IQSEC1: variants seen among roughly 807,000 people sequenced by gnomAD.
The protein encoded by IQSEC1 is IQ motif and Sec7 domain ArfGEF 1.
IQSEC1 carries 31 observed loss-of-function variants against 91.0 expected under a neutral mutation model. That is an observed-to-expected ratio of 0.34 (90% confidence interval 0.26 to 0.46). The LOEUF (loss-of-function observed/expected upper bound fraction) is 0.46, where lower values mean the gene tolerates loss of function less well. Among genes scored for constraint, IQSEC1 ranks in the 20% least tolerant of loss-of-function variants. The probability of loss-of-function intolerance (pLI) is 1.00; values close to 1 mark genes in which losing one functional copy is unlikely to be tolerated. For synonymous variants in IQSEC1, 699 were observed against 662.6 expected, an observed-to-expected ratio of 1.05 and a Z score of -0.84; for missense variants, 1,388 against 1,575.6, an observed-to-expected ratio of 0.88 and a Z score of 2.02.
chr3:13,172,395 C>T (rs904253843), intron 1 of IQSEC1, among the ~76,000 whole-genome samples: 3 of 152,150 alleles, frequency 2.0e-5, no homozygotes, highest in East Asian at 1.9e-4. Context: ...GGAGGCACGT[C>T]GGCCTTCCTT....
In IQSEC1 at chr3:12,938,025, C is replaced by T. The variant is rs570528318; in HGVS notation, c.319-1328G>A. Among the ~76,000 whole-genome samples the T allele has an allele frequency of 2.0e-4, 30 of 152,310 alleles. No individual in the cohort carries two copies. The South Asian group carries it at 5.6e-3, about 28-fold the overall frequency. ...TTCCTGAGGCACCCGTGACCAAGGA[C>T]GGTCCTGAGGGCCACTCCCTGCACC... On this transcript the variant is annotated intron_variant, in intron 2 of 13. Transcript: ENST00000613206.
At chr3:13,143,681 A>G (rs1377449262) in intron 2 of IQSEC1, among the ~76,000 whole-genome samples, 1 of 152,084 alleles carries the variant, frequency 6.6e-6, no homozygotes, top group Non-Finnish European at 1.5e-5. Flanking sequence ...TGGCAGGGAG[A>G]GAAGGTCCAT....
chr3:13,124,408 T>G (rs182855386), intron 2 of IQSEC1, among the ~76,000 whole-genome samples: 81 of 152,288 alleles, frequency 5.3e-4, no homozygotes, highest in African/African-American at 1.8e-3. Flanking sequence ...TTTCTTCATC[T>G]CTAAGGAAGA....
At chr3:12,932,910 C>T (rs1697812916) in intron 3 of IQSEC1, among the ~76,000 whole-genome samples, 1 of 152,128 alleles carries the variant, frequency 6.6e-6, no homozygotes, top group Non-Finnish European at 1.5e-5. Flanking sequence ...CGGCAGCCCC[C>T]GGGATGCCCT....
In IQSEC1 at chr3:13,242,920, G is replaced by C. The variant is rs192202297; in HGVS notation, c.272+39791C>G. On this transcript the variant is annotated intron_variant, in intron 1 of 15. Transcript: ENST00000648114. ...GAAAAGGGAGGGATGCAGAGGAAGG[G>C]CTTGTCTTTCCACACATGTGGGGGG... Among the ~76,000 whole-genome samples, 19 of 152,172 alleles carry C rather than the reference G, an allele frequency of 1.2e-4. No homozygotes were observed. The East Asian group carries it at 2.7e-3, about 22-fold the overall frequency.
At chr3:12,961,343 T>C (rs1473435314) in intron 1 of IQSEC1, among the ~76,000 whole-genome samples, 1 of 152,260 alleles carries the variant, frequency 6.6e-6, no homozygotes, top group Non-Finnish European at 1.5e-5. Context: ...TGCCCATTCC[T>C]ATCTAAAGAA....
At chr3:13,071,455 T>C (rs1280894984) in intron 1 of IQSEC1, among the ~76,000 whole-genome samples, 4 of 152,132 alleles carry the variant, frequency 2.6e-5, no homozygotes, top group African/African-American at 9.7e-5. Context: ...AGTTTAGAAT[T>C]TCTCTGGCAT....
intron 2 of IQSEC1, among the ~76,000 whole-genome samples, chr3:12,938,300 G>A (rs1698413167): frequency 1.3e-5 from 2 of 152,222 alleles, no homozygotes; most frequent in Admixed American, 1.3e-4. Context: ...GTCAAGGAGA[G>A]CAGGCAGCTG....
chr3:13,126,447 A>C (rs1419761562), intron 2 of IQSEC1, among the ~76,000 whole-genome samples: 1 of 152,104 alleles, frequency 6.6e-6, no homozygotes, highest in Non-Finnish European at 1.5e-5. Flanking sequence ...GGTCACTTTC[A>C]CCTGTTGGCT....
At chr3:12,933,988 C>G (rs1354108286) in intron 3 of IQSEC1, among the ~76,000 whole-genome samples, 1 of 152,234 alleles carries the variant, frequency 6.6e-6, no homozygotes, top group East Asian at 1.9e-4. Context: ...TGCAGGGACC[C>G]CTGGTTATCC....
chr3:13,028,423 C>T (rs1026213587), intron 1 of IQSEC1, among the ~76,000 whole-genome samples: 3 of 152,166 alleles, frequency 2.0e-5, no homozygotes, highest in East Asian at 1.9e-4. Flanking sequence ...ACAGTCTTAT[C>T]GAGTTATGCC....
intron 2 of IQSEC1, among the ~76,000 whole-genome samples, chr3:13,106,531 C>T (rs1706154658): frequency 6.6e-6 from 1 of 152,304 alleles, no homozygotes; most frequent in Admixed American, 6.5e-5. Context: ...GTGACATGCC[C>T]CGAATCACAT....
At position 12,935,755 on chromosome 3, in the gene IQSEC1, G is replaced by A. The variant is rs755004691; in HGVS notation, c.1261C>T (p.Pro421Ser). The change falls in exon 3 of 14, where the codon CCT becomes TCT. Residue 421 changes from proline to serine, a missense_variant. By Grantham distance (74) the Pro-to-Ser change is moderately conservative. Transcript: ENST00000613206. The surrounding 1 kb of genome is among the most constrained non-coding windows in gnomAD (Gnocchi z 8.0). The stretch of plus-strand genomic sequence containing the variant: ...CTGGGGGGCCGGGGCCGCAACTCAG[G>A]CTCCTCCCGGGGGAGGCTCTTGGGG... ...GAPKSLPREE[P>S]ELRPRPPRPL... 10 of 1,609,178 alleles carry A rather than the reference G, an allele frequency of 6.2e-6. No homozygotes were observed. Among genetic ancestry groups the A allele is most frequent in the Non-Finnish European group, 8.5e-6 (10 of 1,179,710 alleles).
At chr3:13,157,286 T>A (rs1239868372) in intron 2 of IQSEC1, among the ~76,000 whole-genome samples, 1 of 152,222 alleles carries the variant, frequency 6.6e-6, no homozygotes, top group African/African-American at 2.4e-5. Flanking sequence ...AACAGTCAGT[T>A]ATTAATTCTC....
chr3:13,130,081 C>T (rs1346139311), intron 2 of IQSEC1, among the ~76,000 whole-genome samples: 5 of 151,426 alleles, frequency 3.3e-5, no homozygotes, highest in Admixed American at 6.6e-5. Context: ...TGCAGTGGCT[C>T]ACGCCTATAA....
intron 2 of IQSEC1, among the ~76,000 whole-genome samples, chr3:13,085,199 C>G (rs1406518322): frequency 6.6e-6 from 1 of 152,164 alleles, no homozygotes. Flanking sequence ...AACTGATGCT[C>G]AGAGACACAA....
At chr3:12,969,974 C>T (rs1256174841) in intron 1 of IQSEC1, among the ~76,000 whole-genome samples, 1 of 152,210 alleles carries the variant, frequency 6.6e-6, no homozygotes, top group Non-Finnish European at 1.5e-5. Context: ...AAAGTTCCAG[C>T]CTAGAGAGGC....
chr3:13,225,262 T>C (rs1407317384), intron 1 of IQSEC1, among the ~76,000 whole-genome samples: 1 of 152,198 alleles, frequency 6.6e-6, no homozygotes, highest in African/African-American at 2.4e-5. Context: ...CTGTGGTCAG[T>C]TAGTTTTATA....
chr3:12,933,011 T>A (rs1158264455), intron 3 of IQSEC1, among the ~76,000 whole-genome samples: 1 of 152,188 alleles, frequency 6.6e-6, no homozygotes, highest in East Asian at 1.9e-4. Context: ...ATGATTCCCT[T>A]AAAGGGGGCG....
Sources: gnomAD v4.1 joint callset for allele counts (sites outside exome capture counted in the v4.1 genomes callset) on GRCh38, gnomAD v4.1.1 for gene constraint, Gnocchi (gnomAD v3.1) non-coding constraint, MANE v1.5 for transcripts, NCBI Gene and HGNC (gene_info 2026-07-23, HGNC 2026-07-21) for gene names.